The following CNTNAP2 variants were observed in gnomAD, a reference collection of about 807,000 sequenced individuals.
CNTNAP2 encodes the protein contactin associated protein 2.
Under a neutral mutation model 155.2 loss-of-function variants are expected in CNTNAP2, and 98 were observed. The ratio of observed to expected loss-of-function variants is 0.63; its 90% CI spans 0.54 to 0.75. The LOEUF (loss-of-function observed/expected upper bound fraction) is 0.75. CNTNAP2 is among the 30% of genes least tolerant of loss of function. CNTNAP2 has a pLI of 0.00. For synonymous variants in CNTNAP2, 651 were observed against 631.2 expected, an observed-to-expected ratio of 1.03 and a Z score of -0.47; for missense variants, 1,727 against 1,688.1, an observed-to-expected ratio of 1.02 and a Z score of -0.40.
chr7:147,406,994 T>C (rs1407988620), intron 10 of CNTNAP2, among the ~76,000 whole-genome samples: 2 of 152,204 alleles, frequency 1.3e-5, no homozygotes, highest in African/African-American at 4.8e-5. Flanking sequence ...TTTTGCTTCT[T>C]TGGCATAGTC....
chr7:147,924,071 C>A (rs148735162), intron 14 of CNTNAP2, among the ~76,000 whole-genome samples: 1 of 152,112 alleles, frequency 6.6e-6, no homozygotes, highest in African/African-American at 2.4e-5. Flanking sequence ...TGTTGGACAG[C>A]TCCAGGCATT....
chr7:147,734,882 T>C (rs937975742), intron 13 of CNTNAP2, among the ~76,000 whole-genome samples: 5 of 152,182 alleles, frequency 3.3e-5, no homozygotes, highest in African/African-American at 1.2e-4. Flanking sequence ...TCATTTTTTA[T>C]TGTGTCTATT....
intron 2 of CNTNAP2, among the ~76,000 whole-genome samples, chr7:146,796,918 C>T (rs561634769): frequency 2.0e-5 from 3 of 152,178 alleles, no homozygotes; most frequent in South Asian, 2.1e-4. Context: ...AGGCAGATCA[C>T]GAGGTCAGGA....
chr7:147,605,915 C>CTCTGTGTG (rs369475382), intron 12 of CNTNAP2, among the ~76,000 whole-genome samples: 3 of 151,036 alleles, frequency 2.0e-5, no homozygotes, highest in African/African-American at 4.9e-5. Context: ...TTCTCTCTCT[C>CTCTGTGTG]TGTGTGTGTG....
intron 9 of CNTNAP2, among the ~76,000 whole-genome samples, chr7:147,383,700 T>C (rs1377288921): frequency 6.6e-6 from 1 of 152,080 alleles, no homozygotes; most frequent in Non-Finnish European, 1.5e-5. Flanking sequence ...GATGGATTGA[T>C]TGGTGCAGCA....
chr7:146,930,896 T>C (rs1585164508), intron 3 of CNTNAP2, among the ~76,000 whole-genome samples: 1 of 152,140 alleles, frequency 6.6e-6, no homozygotes, highest in East Asian at 1.9e-4. Context: ...CTATCCTAAA[T>C]ATATATGCAC....
At position 147,379,772 on chromosome 7, in the gene CNTNAP2, G is replaced by GGA. The variant is rs1796502500; in HGVS notation, c.1499-15837_1499-15836insGA. ...ATGTGGTGGGGCTAGGGGCGTGAGGGAGTTCCTATTCTTTGCACAGGTCTA... is the reference window on the plus strand; with the variant it reads ...ATGTGGTGGGGCTAGGGGCGTGAGGGGAAGTTCCTATTCTTTGCACAGGTCTA... On this transcript the variant is annotated intron_variant, in intron 9 of 23. Coordinates refer to ENST00000361727, the MANE Select transcript of CNTNAP2 (RefSeq NM_014141.6). Among the ~76,000 whole-genome samples, 6 of 151,902 alleles carry GGA rather than the reference G, an allele frequency of 3.9e-5. No homozygotes were observed. The South Asian group carries it at 1.0e-3, about 26-fold the overall frequency.
At chr7:147,310,982 C>G (rs1189035041) in intron 9 of CNTNAP2, among the ~76,000 whole-genome samples, 2 of 152,134 alleles carry the variant, frequency 1.3e-5, no homozygotes, top group African/African-American at 4.8e-5. Flanking sequence ...AACCAGAATT[C>G]TTGCCAAAAA....
chr7:146,672,109 C>T (rs781488821), intron 1 of CNTNAP2, among the ~76,000 whole-genome samples: 6 of 152,118 alleles, frequency 3.9e-5, no homozygotes, highest in East Asian at 3.9e-4. Flanking sequence ...CCACTACACC[C>T]GGCTAGTAGT....
intron 1 of CNTNAP2, among the ~76,000 whole-genome samples, chr7:146,486,261 T>C (rs1797057346): frequency 6.6e-6 from 1 of 151,926 alleles, no homozygotes. Flanking sequence ...AGACGGGGTT[T>C]CACCGTGTTA....
chr7:146,751,750 A>G (rs1444560001), intron 1 of CNTNAP2, among the ~76,000 whole-genome samples: 3 of 151,910 alleles, frequency 2.0e-5, no homozygotes, highest in South Asian at 2.1e-4. Flanking sequence ...TGCGTTAGGT[A>G]TTTCTCCTAA....
At chr7:148,163,997 C>T (rs1562980072) in intron 17 of CNTNAP2, among the ~76,000 whole-genome samples, 3 of 152,216 alleles carry the variant, frequency 2.0e-5, no homozygotes, top group Admixed American at 1.3e-4. Flanking sequence ...TGCCGTGGCA[C>T]AATCTCGGCT....
At chr7:146,170,748 C>T (rs1034285921) in intron 1 of CNTNAP2, among the ~76,000 whole-genome samples, 3 of 152,104 alleles carry the variant, frequency 2.0e-5, no homozygotes, top group African/African-American at 4.8e-5. Context: ...TTCATAAGTG[C>T]TGGGTATGGT....
At chr7:147,516,484 C>T (rs1799128918) in intron 11 of CNTNAP2, among the ~76,000 whole-genome samples, 1 of 152,166 alleles carries the variant, frequency 6.6e-6, no homozygotes, top group South Asian at 2.1e-4. Flanking sequence ...AGTTCATTTG[C>T]AAATCCAGCT....
chr7:147,013,919 T>A (rs1447266426), intron 3 of CNTNAP2, among the ~76,000 whole-genome samples: 1 of 152,104 alleles, frequency 6.6e-6, no homozygotes, highest in African/African-American at 2.4e-5. Context: ...ACATGCTTTG[T>A]GTTTATATGA....
chr7:146,222,240 C>T (rs1460534932), intron 1 of CNTNAP2, among the ~76,000 whole-genome samples: 1 of 152,206 alleles, frequency 6.6e-6, no homozygotes. Context: ...AGCCACTGCC[C>T]TCCAGATATC....
chr7:146,357,918 C>T (rs992648312), intron 1 of CNTNAP2, among the ~76,000 whole-genome samples: 2 of 151,846 alleles, frequency 1.3e-5, no homozygotes, highest in African/African-American at 2.4e-5. Flanking sequence ...TGCACCCCGC[C>T]CCCCGCCACA....
intron 11 of CNTNAP2, among the ~76,000 whole-genome samples, chr7:147,530,991 C>T (rs1416086536): frequency 1.3e-5 from 2 of 152,122 alleles, no homozygotes; most frequent in African/African-American, 2.4e-5. Flanking sequence ...AGGGACCATG[C>T]AAGTCTGAAA....
chr7:146,685,070 A>G (rs535415498), intron 1 of CNTNAP2, among the ~76,000 whole-genome samples: 1 of 152,132 alleles, frequency 6.6e-6, no homozygotes. Flanking sequence ...AACAAGAATG[A>G]TGCACAGGTA....
Sources: gnomAD v4.1 joint callset for allele counts (sites outside exome capture counted in the v4.1 genomes callset) on GRCh38, gnomAD v4.1.1 for gene constraint, MANE v1.5 for transcripts, NCBI Gene and HGNC (gene_info 2026-07-23, HGNC 2026-07-21) for gene names.